The following ADCY8 variants were observed in gnomAD, a reference collection of about 807,000 sequenced individuals.
ADCY8 encodes adenylate cyclase 8, also known as adenylate cyclase type 8.
A neutral mutation model predicts 119.7 loss-of-function variants in ADCY8; 51 were observed. That is an observed-to-expected ratio of 0.43 (90% CI 0.34 to 0.54). The LOEUF (loss-of-function observed/expected upper bound fraction) is 0.54. ADCY8 is among the 20% of genes least tolerant of loss of function. ADCY8 has a pLI of 0.03. For missense variants in ADCY8, 1,383 were observed against 1,598.8 expected, an observed-to-expected ratio of 0.87 and a Z score of 2.30; for synonymous variants, 665 against 651.0, an observed-to-expected ratio of 1.02 and a Z score of -0.33.
intron 5 of ADCY8, among the ~76,000 whole-genome samples, chr8:130,928,463 T>C (rs547033216): frequency 6.6e-6 from 1 of 152,282 alleles, no homozygotes; most frequent in South Asian, 2.1e-4. Flanking sequence ...TCTAATTAAT[T>C]GAGAATTTTC....
rs552268380 is a variant in ADCY8, at chr8:130,951,785, A to G, written c.1241+83T>C. 11 of 1,546,382 alleles carry G rather than the reference A, an allele frequency of 7.1e-6. No individual in the cohort carries two copies. In the South Asian group the frequency reaches 1.2e-4, roughly 17 times the overall value. ...AGGAAAGGTGCTGACATTCAAGCAG[A>G]CGGAAGTCACGGAAGTGCAATGAGA... On this transcript the variant is annotated intron_variant, in intron 3 of 17. Coordinates refer to ENST00000286355, the MANE Select transcript of ADCY8 (RefSeq NM_001115.3).
In ADCY8 at chr8:130,972,632, T is replaced by C. The variant is rs141861732; in HGVS notation, c.1110+17761A>G. On this transcript the variant is annotated intron_variant, in intron 2 of 17. Transcript: ENST00000286355. ...CAAAGTAGGGTACTTTGATATTCTCTTAGGGCCAGCTTATATTTATAAACC... is the reference window on the plus strand; with the variant it reads ...CAAAGTAGGGTACTTTGATATTCTCCTAGGGCCAGCTTATATTTATAAACC... Among the ~76,000 whole-genome samples, 679 of 152,316 alleles carry C rather than the reference T, an allele frequency of 4.5e-3. 6 individuals are homozygous for C. The highest frequency in any genetic ancestry group is 0.016 in the African/African-American group (654 of 41,578).
chr8:130,917,113 A>G lies in ADCY8; in HGVS notation c.1482-7247T>C, dbSNP rs532062430. On this transcript the variant is annotated intron_variant, in intron 5 of 17. Coordinates refer to ENST00000286355, the MANE Select transcript of ADCY8 (RefSeq NM_001115.3). ...ATTATAAATTTTGATTTTATAGATGAGCAAACTGAGGCTCTGAGAGGATTA... is the reference window on the plus strand; with the variant it reads ...ATTATAAATTTTGATTTTATAGATGGGCAAACTGAGGCTCTGAGAGGATTA... 3.3e-5 allele frequency among the ~76,000 whole-genome samples: 5 copies of G among 152,342 alleles called. No homozygotes were observed. The South Asian group carries it at 8.3e-4, about 25-fold the overall frequency.
In ADCY8 at chr8:130,828,066, G is replaced by A. The variant is rs966472959; in HGVS notation, c.2676-6646C>T. On this transcript the variant is annotated intron_variant, in intron 12 of 17. Coordinates refer to ENST00000286355, the MANE Select transcript of ADCY8 (RefSeq NM_001115.3). ...GGAGCAACTGAGGATTTCCAGCTGG[G>A]GCTAACCCCCGGGGTTATCCAAAGG... 2.6e-5 allele frequency among the ~76,000 whole-genome samples: 4 copies of A among 152,148 alleles called. No homozygotes were observed. In the East Asian group the frequency reaches 7.7e-4, roughly 29 times the overall value.
chr8:130,794,495 C>T (rs189473598), intron 15 of ADCY8, among the ~76,000 whole-genome samples: 8 of 152,290 alleles, frequency 5.3e-5, no homozygotes, highest in East Asian at 1.9e-4. Flanking sequence ...CCGCCTGCCT[C>T]GGCCTTCCAA....
At chr8:130,935,032 A>C (rs1463087433) in intron 5 of ADCY8, among the ~76,000 whole-genome samples, 5 of 152,242 alleles carry the variant, frequency 3.3e-5, no homozygotes, top group Non-Finnish European at 1.5e-5. Context: ...TGACATAAGA[A>C]GACTGTGACA....
intron 2 of ADCY8, among the ~76,000 whole-genome samples, chr8:130,966,967 A>G (rs138769112): frequency 8.7e-4 from 132 of 152,326 alleles, no homozygotes; most frequent in African/African-American, 3.1e-3. Flanking sequence ...TTTCACTCTT[A>G]GAAAAAAGGA....
chr8:130,907,059 C>T (rs147603917), intron 6 of ADCY8, among the ~76,000 whole-genome samples: 1 of 151,960 alleles, frequency 6.6e-6, no homozygotes, highest in Non-Finnish European at 1.5e-5. Context: ...TAACTACTAC[C>T]AGCACAACCA....
intron 6 of ADCY8, among the ~76,000 whole-genome samples, chr8:130,907,804 G>A (rs1295268034): frequency 6.6e-6 from 1 of 152,134 alleles, no homozygotes; most frequent in East Asian, 1.9e-4. Context: ...AAAGCATATT[G>A]TATGATGCTG....
intron 5 of ADCY8, among the ~76,000 whole-genome samples, chr8:130,925,598 G>T (rs1226129069): frequency 2.6e-5 from 4 of 152,064 alleles, no homozygotes; most frequent in African/African-American, 9.7e-5. Context: ...TATTTTCTAT[G>T]TCACCTTACA....
At chr8:130,846,698 T>G (rs1817315368) in intron 11 of ADCY8, among the ~76,000 whole-genome samples, 1 of 133,996 alleles carries the variant, frequency 7.5e-6, no homozygotes, top group Non-Finnish European at 1.6e-5. Flanking sequence ...TTTCTTCCCC[T>G]TACTACCTTC....
chr8:130,925,148 T>C (rs976861766), intron 5 of ADCY8, among the ~76,000 whole-genome samples: 2 of 152,094 alleles, frequency 1.3e-5, no homozygotes, highest in Non-Finnish European at 2.9e-5. Flanking sequence ...GGGGTTGCAA[T>C]GAGCCAAGAT....
rs184000350 is a variant in ADCY8, at chr8:130,895,093, G to A, written c.1911+8679C>T. On this transcript the variant is annotated intron_variant, in intron 7 of 17. Transcript: ENST00000286355. ...AATCCCACTTCTTTGTTTTCAAATT[G>A]AGGAAATAAGTCAGGGGAAAAGAAT... Among the ~76,000 whole-genome samples, 13 of 152,180 alleles carry A rather than the reference G, an allele frequency of 8.5e-5. No homozygotes were observed. The East Asian group carries it at 2.3e-3, about 27-fold the overall frequency.
At chr8:130,989,622 C>T (rs1054994489) in intron 2 of ADCY8, among the ~76,000 whole-genome samples, 4 of 152,124 alleles carry the variant, frequency 2.6e-5, no homozygotes, top group Non-Finnish European at 4.4e-5. Flanking sequence ...CAGTTTTCAA[C>T]ACATACTTGA....
intron 7 of ADCY8, among the ~76,000 whole-genome samples, chr8:130,900,581 C>T (rs1042651210): frequency 2.6e-5 from 4 of 152,114 alleles, no homozygotes; most frequent in African/African-American, 9.7e-5. Flanking sequence ...TTGCTGATGG[C>T]CCCTTCCTTC....
chr8:130,992,596 G>A (rs1822631842), intron 1 of ADCY8, among the ~76,000 whole-genome samples: 1 of 151,360 alleles, frequency 6.6e-6, no homozygotes, highest in Admixed American at 6.6e-5. Flanking sequence ...TGTATTTTTA[G>A]TAGAGATGAG....
At chr8:130,875,704 A>C (rs912707746) in intron 8 of ADCY8, among the ~76,000 whole-genome samples, 1 of 152,220 alleles carries the variant, frequency 6.6e-6, no homozygotes. Flanking sequence ...GAAACATTTT[A>C]GAGTTTATGA....
chr8:130,912,036 T>C lies in ADCY8; in HGVS notation c.1482-2170A>G, dbSNP rs994580854. Among the ~76,000 whole-genome samples the C allele has an allele frequency of 2.6e-5, 4 of 152,190 alleles. No homozygotes were observed. In the East Asian group the frequency reaches 5.8e-4, roughly 22 times the overall value. On this transcript the variant is annotated intron_variant, in intron 5 of 17. Coordinates refer to ENST00000286355, the MANE Select transcript of ADCY8 (RefSeq NM_001115.3). Reference sequence around the variant, plus strand: ...GTTCCTTCTTTCCTCTCTGGGACCATGGTGCTTCCTCAATCTGGAATGTCC... The same window carrying C: ...GTTCCTTCTTTCCTCTCTGGGACCACGGTGCTTCCTCAATCTGGAATGTCC...
intron 2 of ADCY8, among the ~76,000 whole-genome samples, chr8:130,977,632 T>C (rs1822112325): frequency 6.6e-6 from 1 of 152,242 alleles, no homozygotes; most frequent in Non-Finnish European, 1.5e-5. Flanking sequence ...TGTTTCAAGA[T>C]TTGCACATGA....
Sources: gnomAD v4.1 joint callset for allele counts (sites outside exome capture counted in the v4.1 genomes callset) on GRCh38, gnomAD v4.1.1 for gene constraint, MANE v1.5 for transcripts, NCBI Gene and HGNC (gene_info 2026-07-23, HGNC 2026-07-21) for gene names.